Variants in ARHGAP22 observed in about 807,000 individuals in gnomAD.
ARHGAP22 encodes the protein rho GTPase-activating protein 22.
In ARHGAP22, 48 loss-of-function variants were observed where a neutral mutation model predicts 59.1. That is an observed-to-expected ratio of 0.81 (90% CI 0.64 to 1.03). ARHGAP22 has a LOEUF of 1.03. Among genes scored for constraint, ARHGAP22 ranks in the 50% least tolerant of loss-of-function variants. The probability of loss-of-function intolerance (pLI) is 0.00; values close to 1 mark genes in which losing one functional copy is unlikely to be tolerated. For missense variants in ARHGAP22, 1,015 were observed against 958.7 expected (o/e 1.06, Z -0.78); for synonymous variants, 445 against 416.4 (o/e 1.07, Z -0.84).
At chr10:48,493,540 C>T in intron 3 of ARHGAP22, 1 of 1,526,576 alleles carries the variant, frequency 6.6e-7, no homozygotes, top group East Asian at 2.5e-5. Flanking sequence ...CCAGACACAC[C>T]TGTTGGGGTG....
intron 9 of ARHGAP22, 60 bp downstream of exon 9, chr10:48,450,201 G>T: frequency 6.4e-7 from 1 of 1,569,318 alleles, no homozygotes; most frequent in Non-Finnish European, 8.6e-7. Context: ...TGTGCCAAGA[G>T]CACGGCTCTC....
intron 5 of ARHGAP22, among the ~76,000 whole-genome samples, chr10:48,457,549 G>C (rs971759895): frequency 2.6e-5 from 4 of 152,192 alleles, no homozygotes; most frequent in African/African-American, 9.7e-5. Context: ...GGAGAGCCTG[G>C]CGGCCAGGAG....
downstream of ARHGAP22, chr10:48,444,734 T>G (rs1197927902): frequency 6.6e-6 from 1 of 152,252 alleles, no homozygotes; most frequent in Non-Finnish European, 1.5e-5. Context: ...CAGGACGCAC[T>G]GCTGTTCCCA....
At chr10:48,544,739 T>G (rs1025992834) in intron 3 of ARHGAP22, among the ~76,000 whole-genome samples, 2 of 152,230 alleles carry the variant, frequency 1.3e-5, no homozygotes, top group South Asian at 4.1e-4. Flanking sequence ...TAATTTCAAA[T>G]AGGAGGACAG....
In ARHGAP22 at chr10:48,454,986, C is replaced by G; in HGVS notation, c.792+16G>C. On this transcript the variant is annotated intron_variant, in intron 6 of 9. Coordinates refer to ENST00000249601, the MANE Select transcript of ARHGAP22 (RefSeq NM_021226.4). ...GCCAGCCCATCTCCCAGGAGCTATC[C>G]CCAGGAGCCACTGACCTCCCCCTCG... 6.3e-7 allele frequency: 1 copy of G among 1,580,766 alleles called. No individual in the cohort carries two copies. Among genetic ancestry groups the G allele is most frequent in the Non-Finnish European group, 8.6e-7 (1 of 1,158,974 alleles).
chr10:48,580,177 G>T (rs1044224572), intron 2 of ARHGAP22, among the ~76,000 whole-genome samples: 6 of 152,210 alleles, frequency 3.9e-5, no homozygotes, highest in African/African-American at 1.4e-4. Flanking sequence ...TAAATGCCCT[G>T]GTTCAGTTTA....
At chr10:48,489,085 GCTTTT>G (rs1346776401) in intron 3 of ARHGAP22, among the ~76,000 whole-genome samples, 2 of 152,290 alleles carry the variant, frequency 1.3e-5, no homozygotes, top group Non-Finnish European at 2.9e-5. Flanking sequence ...AATATTTTGT[GCTTTT>G]CTTTTTTCTT....
intron 3 of ARHGAP22, among the ~76,000 whole-genome samples, chr10:48,551,225 G>A (rs184017108): frequency 4.6e-5 from 7 of 152,328 alleles, no homozygotes; most frequent in South Asian, 2.1e-4. Flanking sequence ...TCTGTTGTGC[G>A]TTCTGACCTC....
intron 1 of ARHGAP22, among the ~76,000 whole-genome samples, chr10:48,649,426 C>T (rs1266746377): frequency 6.6e-6 from 1 of 152,206 alleles, no homozygotes; most frequent in Non-Finnish European, 1.5e-5. Context: ...GCGTGCAGGT[C>T]AGGGATTTGG....
At chr10:48,644,098 G>A (rs2062188101) in intron 1 of ARHGAP22, among the ~76,000 whole-genome samples, 1 of 152,224 alleles carries the variant, frequency 6.6e-6, no homozygotes, top group African/African-American at 2.4e-5. Context: ...GGTGAGCCGA[G>A]ATCGTGCCAT....
At chr10:48,435,059 T>TGGTTG in the ARHGAP22 span, 8 of 447,966 alleles carry the variant, frequency 1.8e-5, no homozygotes, top group Non-Finnish European at 3.5e-5. Flanking sequence ...GTGGGAGGGA[T>TGGTTG]GGGGAGTCGG....
intron 3 of ARHGAP22, among the ~76,000 whole-genome samples, chr10:48,492,670 C>T (rs1451878555): frequency 2.0e-5 from 3 of 152,134 alleles, no homozygotes; most frequent in African/African-American, 7.2e-5. Context: ...TCTCCTGCCT[C>T]AGCCTCCCGA....
At chr10:48,523,961 C>A in intron 3 of ARHGAP22, 1 of 1,230,984 alleles carries the variant, frequency 8.1e-7, no homozygotes, top group Non-Finnish European at 1.1e-6. Flanking sequence ...GTGCGGGCGG[C>A]CCTGGACACC....
At chr10:48,651,488 C>A (rs933418246) in intron 1 of ARHGAP22, among the ~76,000 whole-genome samples, 1 of 151,452 alleles carries the variant, frequency 6.6e-6, no homozygotes, top group Admixed American at 6.6e-5. Context: ...ACCTGCACAG[C>A]TCACCCAGTC....
intron 2 of ARHGAP22, among the ~76,000 whole-genome samples, chr10:48,564,736 G>A (rs1233266910): frequency 2.0e-5 from 3 of 152,224 alleles, no homozygotes; most frequent in Admixed American, 6.5e-5. Context: ...GAAACAAAGA[G>A]TGATTTCCCT....
chr10:48,604,013 T>C (rs1411652315), intron 1 of ARHGAP22, among the ~76,000 whole-genome samples: 1 of 152,254 alleles, frequency 6.6e-6, no homozygotes, highest in Non-Finnish European at 1.5e-5. Context: ...ACACATTCTA[T>C]TTTTGTAAAA....
intron 2 of ARHGAP22, among the ~76,000 whole-genome samples, chr10:48,576,766 C>T (rs1374821196): frequency 1.3e-5 from 2 of 152,040 alleles, no homozygotes; most frequent in Non-Finnish European, 2.9e-5. Flanking sequence ...TTCTATCTTT[C>T]TCCTTTTTTT....
chr10:48,616,834 G>C (rs61838392), intron 1 of ARHGAP22, among the ~76,000 whole-genome samples: 1 of 151,966 alleles, frequency 6.6e-6, no homozygotes. Context: ...CTATTAAAGT[G>C]AGTCCTTCAG....
intron 3 of ARHGAP22, among the ~76,000 whole-genome samples, chr10:48,518,782 T>C (rs973861803): frequency 6.6e-6 from 1 of 152,096 alleles, no homozygotes; most frequent in Non-Finnish European, 1.5e-5. Flanking sequence ...GGAGGCCTTG[T>C]TGGGAGAGGC....
Sources: gnomAD v4.1 joint callset for allele counts (sites outside exome capture counted in the v4.1 genomes callset) on GRCh38, gnomAD v4.1.1 for gene constraint, MANE v1.5 for transcripts, NCBI Gene and HGNC (gene_info 2026-07-23, HGNC 2026-07-21) for gene names.